ITGA11: variants seen among roughly 807,000 people sequenced by gnomAD.
The protein encoded by ITGA11 is integrin alpha-11.
A neutral mutation model predicts 141.9 loss-of-function variants in ITGA11; 97 were observed. The observed-to-expected ratio is 0.68, with a 90% CI of 0.58 to 0.81. ITGA11 has a LOEUF of 0.81. ITGA11 is among the 30% of genes least tolerant of loss of function. The pLI is 0.00. For missense variants in ITGA11, 1,387 were observed against 1,559.2 expected, an observed-to-expected ratio of 0.89 and a Z score of 1.86; for synonymous variants, 658 against 624.6, an observed-to-expected ratio of 1.05 and a Z score of -0.80.
chr15:68,339,715 C>G, intron 10 of ITGA11, 71 bp from the exon 11 acceptor site: 4 of 1,580,664 alleles, frequency 2.5e-6, no homozygotes, highest in Non-Finnish European at 2.6e-6. Context: ...ACATCAGGTC[C>G]TATGACCAGT....
chr15:68,425,717 A>G (rs1378502775), intron 1 of ITGA11, among the ~76,000 whole-genome samples: 1 of 152,076 alleles, frequency 6.6e-6, no homozygotes, highest in South Asian at 2.1e-4. Context: ...CCATTTCACA[A>G]TTTTTCCATG....
Position 68,304,032 on chromosome 15 carries a change from C to T in ITGA11, c.3382-147G>A. The T allele has an allele frequency of 1.7e-6, 1 of 572,860 alleles. No individual in the cohort carries two copies. Among genetic ancestry groups the T allele is most frequent in the South Asian group, 2.1e-5 (1 of 47,362 alleles). 35.5% of individuals were successfully genotyped at this position (572,860 alleles called of 1,614,324 possible). A position where few individuals can be genotyped will look rare whatever the true frequency, so the allele number is the denominator to read the frequency against. Reference sequence around the variant, plus strand: ...GGGGGATACCAGAGGGATGGGTGGACAGGCCAGCCAAGGCCTCAGGACGAC... The same window carrying T: ...GGGGGATACCAGAGGGATGGGTGGATAGGCCAGCCAAGGCCTCAGGACGAC... On this transcript the variant is annotated intron_variant, in intron 28 of 29. Transcript: ENST00000315757. The surrounding 1 kb of genome is among the most constrained non-coding windows in gnomAD (Gnocchi z 6.1).
chr15:68,297,469 A>G lies in ITGA11; in HGVS notation c.*5590T>C, dbSNP rs1309725440. The G allele has an allele frequency of 8.3e-6, 1 of 120,286 alleles. No homozygotes were observed. Among genetic ancestry groups the G allele is most frequent in the Non-Finnish European group, 1.7e-5 (1 of 58,846 alleles). 7.5% of individuals were successfully genotyped at this position (120,286 alleles called of 1,614,324 possible). ...TTTTTTTTTTATCCAAAAGAAAGCT[A>G]TGTCTGGTTAGGTAAATCATACACC... On this transcript the variant is annotated 3_prime_UTR_variant, in exon 30 of 30. Coordinates refer to ENST00000315757, the MANE Select transcript of ITGA11 (RefSeq NM_001004439.2).
intron 6 of ITGA11, 129 bp downstream of exon 6, chr15:68,358,329 C>T: frequency 4.1e-6 from 4 of 985,098 alleles, no homozygotes; most frequent in East Asian, 2.8e-5. Context: ...GCTGGCTGGC[C>T]CTACTACCTC....
chr15:68,397,779 T>C (rs1159069762), intron 2 of ITGA11, among the ~76,000 whole-genome samples: 1 of 103,806 alleles, frequency 9.6e-6, no homozygotes, highest in Non-Finnish European at 1.9e-5. Context: ...ATTTAAAATA[T>C]ATTTAAAATA....
Position 68,301,291 on chromosome 15 carries a change from A to G in ITGA11, c.*1768T>C, listed in dbSNP as rs896551514. On this transcript the variant is annotated 3_prime_UTR_variant, in exon 30 of 30. Coordinates refer to ENST00000315757, the MANE Select transcript of ITGA11 (RefSeq NM_001004439.2). The surrounding 1 kb of genome is among the most constrained non-coding windows in gnomAD (Gnocchi z 4.4). ...TATTTCCAAGGTTCTACTTACTGGG[A>G]ATCCAAGACATGAATGGCACAAGAA... is the stretch of plus-strand genomic sequence containing the variant. 7.2e-5 allele frequency: 11 copies of G among 152,256 alleles called. No individual in the cohort carries two copies. The highest frequency in any genetic ancestry group is 2.7e-4 in the African/African-American group (11 of 41,466). The allele number at this position is 152,256 out of a possible 1,614,324, so 9.4% of individuals were successfully genotyped here.
chr15:68,368,577 G>T (rs1895496839), intron 3 of ITGA11, among the ~76,000 whole-genome samples: 1 of 152,244 alleles, frequency 6.6e-6, no homozygotes, highest in Admixed American at 6.5e-5. Context: ...GCGAGGAAAA[G>T]CTTGCATTTC....
At position 68,389,773 on chromosome 15, in the gene ITGA11, C is replaced by T. The variant is rs1188324700; in HGVS notation, c.164+13145G>A. Among the ~76,000 whole-genome samples the T allele has an allele frequency of 2.0e-5, 3 of 152,134 alleles. 1 individual carries two copies. The South Asian group carries it at 6.2e-4, about 32-fold the overall frequency. ...ATGGAGAGGAGGAGAAACGTTCTGC[C>T]TTGCTGAGAGCTGAGGCTTCTCTTC... On this transcript the variant is annotated intron_variant, in intron 2 of 29. Transcript: ENST00000315757.
chr15:68,367,713 G>A lies in ITGA11; in HGVS notation c.265+1471C>T, dbSNP rs138899548. On this transcript the variant is annotated intron_variant, in intron 3 of 29. Transcript: ENST00000315757. ...GTACAGTGTTTGGTACACTCTAGGT[G>A]CGCATTAAAGGTTCGGAAACAGATT... Among the ~76,000 whole-genome samples the A allele has an allele frequency of 2.7e-3, 411 of 152,302 alleles. 1 individual carries two copies. Among genetic ancestry groups the A allele is most frequent in the Non-Finnish European group, 4.4e-3 (296 of 68,032 alleles).
rs1158604642 is a variant in ITGA11 at position 68,308,927 on chromosome 15, T to G, written c.3175-1231A>C. Reference sequence around the variant, plus strand: ...ACCATTAGCCAACACTATAGACAGCTCAGTTGGCTTAGTTTACATCATTCT... The same window carrying G: ...ACCATTAGCCAACACTATAGACAGCGCAGTTGGCTTAGTTTACATCATTCT... On this transcript the variant is annotated intron_variant, in intron 26 of 29. Coordinates refer to ENST00000315757, the MANE Select transcript of ITGA11 (RefSeq NM_001004439.2). The surrounding 1 kb of genome is among the most constrained non-coding windows in gnomAD (Gnocchi z 5.2). Among the ~76,000 whole-genome samples, 1 of 152,164 alleles carries G rather than the reference T, an allele frequency of 6.6e-6. No homozygotes were observed. The highest frequency in any genetic ancestry group is 1.5e-5 in the Non-Finnish European group (1 of 68,034).
At chr15:68,312,983 G>A (rs1005053614) in intron 23 of ITGA11, 120 bp from the exon 24 acceptor site, 14 of 658,292 alleles carry the variant, frequency 2.1e-5, no homozygotes, top group Middle Eastern at 3.0e-4. Context: ...ACAGGTTCCC[G>A]CTTGTGTCGG....
chr15:68,350,114 A>G (rs965505383), intron 9 of ITGA11, among the ~76,000 whole-genome samples: 2 of 152,210 alleles, frequency 1.3e-5, no homozygotes, highest in African/African-American at 4.8e-5. Context: ...TAGCAAAGCA[A>G]CCTTTCAGCA....
rs1893072612 is a variant in ITGA11, at chr15:68,302,762, C to T, written c.*297G>A. 1.4e-5 allele frequency: 5 copies of T among 353,052 alleles called. No individual in the cohort carries two copies. The Admixed American group carries it at 2.4e-4, about 17-fold the overall frequency. The allele number at this position is 353,052 out of a possible 1,614,324, so 21.9% of individuals were successfully genotyped here. On this transcript the variant is annotated 3_prime_UTR_variant, in exon 30 of 30. Transcript: ENST00000315757. Reference sequence around the variant, plus strand: ...ACCTTAGTAGCTGGGGCAGCAAATGCCCTCCACAGAGCCTGAGGGAGGCCT... The same window carrying T: ...ACCTTAGTAGCTGGGGCAGCAAATGTCCTCCACAGAGCCTGAGGGAGGCCT...
At chr15:68,415,445 C>CG (rs1196429890) in intron 1 of ITGA11, among the ~76,000 whole-genome samples, 3 of 152,154 alleles carry the variant, frequency 2.0e-5, no homozygotes, top group Middle Eastern at 3.2e-3. Context: ...TTCAGCAGCA[C>CG]GGGGGGCTTC....
Position 68,308,804 on chromosome 15 carries a change from G to T in ITGA11, c.3175-1108C>A, listed in dbSNP as rs1298690282. On this transcript the variant is annotated intron_variant, in intron 26 of 29. Transcript: ENST00000315757. The surrounding 1 kb of genome is among the most constrained non-coding windows in gnomAD (Gnocchi z 5.2). ...AGAAAAGGGATTAGAGGACACTGAA[G>T]ATGGAGCTTGCAGCAGCAGATCATT... 6.7e-6 allele frequency among the ~76,000 whole-genome samples: 1 copy of T among 150,136 alleles called. No homozygotes were observed.
chr15:68,392,083 A>T lies in ITGA11; in HGVS notation c.164+10835T>A, dbSNP rs116063627. On this transcript the variant is annotated intron_variant, in intron 2 of 29. Coordinates refer to ENST00000315757, the MANE Select transcript of ITGA11 (RefSeq NM_001004439.2). The stretch of plus-strand genomic sequence containing the variant: ...ATTATACCGCTGATTTCAGGAAGTA[A>T]GATAATGATACAGGCAATTACTATT... 3.1e-3 allele frequency among the ~76,000 whole-genome samples: 470 copies of T among 152,348 alleles called. 3 individuals carry two copies. Among genetic ancestry groups the T allele is most frequent in the African/African-American group, 0.011 (454 of 41,582 alleles).
At chr15:68,365,864 G>A (rs187396877) in intron 3 of ITGA11, among the ~76,000 whole-genome samples, 1 of 152,026 alleles carries the variant, frequency 6.6e-6, no homozygotes, top group Non-Finnish European at 1.5e-5. Context: ...TTCTAAGGAG[G>A]CCTTGAGCAA....
intron 11 of ITGA11, among the ~76,000 whole-genome samples, chr15:68,337,152 G>A (rs1894386658): frequency 6.6e-6 from 1 of 152,178 alleles, no homozygotes; most frequent in South Asian, 2.1e-4. Flanking sequence ...GGGCCTGCTT[G>A]GAAGGAGGGG....
Position 68,326,881 on chromosome 15 carries a change from G to T in ITGA11, c.2069-85C>A. 1 of 1,447,352 alleles carries T rather than the reference G, an allele frequency of 6.9e-7. No homozygotes were observed. The highest frequency in any genetic ancestry group is 9.3e-7 in the Non-Finnish European group (1 of 1,076,314). 89.7% of individuals were successfully genotyped at this position (1,447,352 alleles called of 1,614,324 possible). On this transcript the variant is annotated intron_variant, in intron 16 of 29. Coordinates refer to ENST00000315757, the MANE Select transcript of ITGA11 (RefSeq NM_001004439.2). This position sits in a 1 kb window ranked among gnomAD's most constrained non-coding sequence, Gnocchi z 6.8. The stretch of plus-strand genomic sequence containing the variant: ...CTGCCTCCTCCAGGAAGCCCCCCAG[G>T]CTGGCCAGGGGAGAGCTGTTCCTTT...
Sources: allele counts gnomAD v4.1 joint callset (sites outside exome capture counted in the v4.1 genomes callset), GRCh38; gene constraint gnomAD v4.1.1; non-coding constraint Gnocchi (gnomAD v3.1); transcripts MANE v1.5; gene names NCBI Gene and HGNC (gene_info 2026-07-23, HGNC 2026-07-21).